Variants in CACNG5 observed in about 807,000 individuals in gnomAD.
CACNG5 encodes calcium voltage-gated channel auxiliary subunit gamma 5, also known as voltage-dependent calcium channel gamma-5 subunit.
A neutral mutation model predicts 24.8 loss-of-function variants in CACNG5; 18 were observed. The observed-to-expected ratio is 0.73, with a 90% CI of 0.50 to 1.08. The LOEUF (loss-of-function observed/expected upper bound fraction) is 1.08. CACNG5 is among the 50% of genes least tolerant of loss of function. CACNG5 has a pLI of 0.00. For missense variants in CACNG5, 349 were observed against 367.9 expected, an observed-to-expected ratio of 0.95 and a Z score of 0.42; for synonymous variants, 157 against 149.1, an observed-to-expected ratio of 1.05 and a Z score of -0.39.
At chr17:66,875,507 C>T (rs150772736) in intron 1 of CACNG5, among the ~76,000 whole-genome samples, 195 of 152,302 alleles carry the variant, frequency 1.3e-3, no homozygotes, top group African/African-American at 4.3e-3. Flanking sequence ...TCAGGGCCAG[C>T]GTGCACCCCT....
chr17:66,864,930 A>G (rs1036853383), intron 1 of CACNG5, among the ~76,000 whole-genome samples: 2 of 152,118 alleles, frequency 1.3e-5, no homozygotes, highest in Admixed American at 6.5e-5. Flanking sequence ...TTTTATGTTC[A>G]TCAATATATA....
rs1200180006 is a variant in CACNG5 at position 66,857,076 on chromosome 17, T to TG, written c.-103-20154_-103-20153insG. On this transcript the variant is annotated intron_variant, in intron 1 of 5. Coordinates refer to ENST00000533854, the MANE Select transcript of CACNG5 (RefSeq NM_145811.3). ...ATTTCAATTTTTAAGTTTTTTTTTT[T>TG]TTTTTTTTTTTTTGATAAGGTCTCA... 2.9e-5 allele frequency among the ~76,000 whole-genome samples: 4 copies of TG among 139,320 alleles called. No individual in the cohort carries two copies. In the East Asian group the frequency reaches 6.0e-4, roughly 21 times the overall value. 91.4% of individuals were successfully genotyped at this position (139,320 alleles called of 152,430 possible).
rs532160542 is a variant in CACNG5 at position 66,845,164 on chromosome 17, A to G, written c.-104+9914A>G. Reference sequence around the variant, plus strand: ...GCGGGGACATGGATGAAGCTGGAAAACATCATTCTCAGCAAACTAACACGG... The same window carrying G: ...GCGGGGACATGGATGAAGCTGGAAAGCATCATTCTCAGCAAACTAACACGG... On this transcript the variant is annotated intron_variant, in intron 1 of 5. Transcript: ENST00000533854. Among the ~76,000 whole-genome samples the G allele has an allele frequency of 5.9e-5, 9 of 152,270 alleles. No homozygotes were observed. The South Asian group carries it at 1.7e-3, about 28-fold the overall frequency.
At chr17:66,844,498 C>T (rs922067826) in intron 1 of CACNG5, among the ~76,000 whole-genome samples, 18 of 152,160 alleles carry the variant, frequency 1.2e-4, no homozygotes, top group Non-Finnish European at 2.5e-4. Flanking sequence ...AAGAGGTCCT[C>T]GATATACTGA....
chr17:66,872,098 G>A (rs1178518774), intron 1 of CACNG5, among the ~76,000 whole-genome samples: 1 of 152,178 alleles, frequency 6.6e-6, no homozygotes, highest in Non-Finnish European at 1.5e-5. Flanking sequence ...GCACAGAGAA[G>A]TATTTTAAAA....
chr17:66,860,857 ATT>A (rs34092567), intron 1 of CACNG5, among the ~76,000 whole-genome samples: 8 of 147,124 alleles, frequency 5.4e-5, no homozygotes, highest in East Asian at 2.0e-4. Context: ...CTTTCTTGAC[ATT>A]TTTTTTTTTT....
At chr17:66,838,818 G>A (rs551906545) in intron 1 of CACNG5, among the ~76,000 whole-genome samples, 2 of 151,980 alleles carry the variant, frequency 1.3e-5, no homozygotes, top group Non-Finnish European at 2.9e-5. Flanking sequence ...ATGGGGATAC[G>A]ACTGGAGTAT....
intron 1 of CACNG5, among the ~76,000 whole-genome samples, chr17:66,837,540 C>T (rs886981094): frequency 6.6e-6 from 1 of 152,238 alleles, no homozygotes; most frequent in Non-Finnish European, 1.5e-5. Context: ...GGACTAGCTA[C>T]TTAAGACTTC....
intron 3 of CACNG5, among the ~76,000 whole-genome samples, chr17:66,879,373 A>G (rs1977127603): frequency 6.6e-6 from 1 of 152,176 alleles, no homozygotes; most frequent in African/African-American, 2.4e-5. Flanking sequence ...CAATATTGCA[A>G]TGCAATTCTG....
chr17:66,883,497 A>G (rs1977194613), intron 4 of CACNG5, among the ~76,000 whole-genome samples: 1 of 152,262 alleles, frequency 6.6e-6, no homozygotes, highest in African/African-American at 2.4e-5. Context: ...TGAACAACTC[A>G]AAAGAGAGTA....
chr17:66,881,513 G>A (rs556739442), intron 4 of CACNG5, among the ~76,000 whole-genome samples: 1 of 152,194 alleles, frequency 6.6e-6, no homozygotes, highest in Admixed American at 6.5e-5. Flanking sequence ...TTGTCTTCCT[G>A]GACTGATGCC....
chr17:66,871,731 G>A (rs1296283676), intron 1 of CACNG5, among the ~76,000 whole-genome samples: 1 of 152,112 alleles, frequency 6.6e-6, no homozygotes, highest in African/African-American at 2.4e-5. Context: ...GTGGTGGCAG[G>A]CACCTGTAGT....
Position 66,850,907 on chromosome 17 carries a change from C to T in CACNG5, c.-104+15657C>T, listed in dbSNP as rs117823639. On this transcript the variant is annotated intron_variant, in intron 1 of 5. Coordinates refer to ENST00000533854, the MANE Select transcript of CACNG5 (RefSeq NM_145811.3). ...ATCCCCAGGGAACTGAAACTCAAAG[C>T]CTTGAGCATGTGAACTAATACTAAG... Among the ~76,000 whole-genome samples the T allele has an allele frequency of 2.0e-3, 307 of 152,252 alleles. 7 individuals carry two copies. The East Asian group carries it at 0.048, about 24-fold the overall frequency.
rs1977243306 is a variant in CACNG5, at chr17:66,885,354, A to G, written c.*114A>G. 7.6e-7 allele frequency: 1 copy of G among 1,321,066 alleles called. No individual in the cohort carries two copies. Among genetic ancestry groups the G allele is most frequent in the South Asian group, 1.5e-5 (1 of 68,878 alleles). The allele number at this position is 1,321,066 out of a possible 1,614,324, so 81.8% of individuals were successfully genotyped here. ...TGACAGGCCCAGGCCACCCATGCTT[A>G]GCTGTTGTCACTTGACCCCAGTCCT... On this transcript the variant is annotated 3_prime_UTR_variant, in exon 6 of 6. Coordinates refer to ENST00000533854, the MANE Select transcript of CACNG5 (RefSeq NM_145811.3).
chr17:66,877,189 G>A, intron 1 of CACNG5, 41 bp from the exon 2 acceptor site: 5 of 658,144 alleles, frequency 7.6e-6, no homozygotes, highest in East Asian at 5.5e-5. Flanking sequence ...CCAGGTTGGG[G>A]TTTGACTTTA....
chr17:66,861,747 T>C (rs1976862523), intron 1 of CACNG5, among the ~76,000 whole-genome samples: 1 of 152,188 alleles, frequency 6.6e-6, no homozygotes, highest in Non-Finnish European at 1.5e-5. Context: ...CCGGTAGCCA[T>C]GGGGGCAGTG....
At chr17:66,880,524 G>C in intron 3 of CACNG5, 33 bp from the exon 4 acceptor site, 1 of 1,613,814 alleles carries the variant, frequency 6.2e-7, no homozygotes, top group East Asian at 2.2e-5. Context: ...AGGCCTGGAG[G>C]CTGACAGGCC....
Position 66,889,958 on chromosome 17 carries a change from G to T in CACNG5, c.*4718G>T, listed in dbSNP as rs973501846. ...CCGGGGGAGCCACATTCCACCTAAGGCCTGAGCAAATTGGCACCTGGGCTC... is the reference window on the plus strand; with the variant it reads ...CCGGGGGAGCCACATTCCACCTAAGTCCTGAGCAAATTGGCACCTGGGCTC... On this transcript the variant is annotated 3_prime_UTR_variant, in exon 6 of 6. Coordinates refer to ENST00000533854, the MANE Select transcript of CACNG5 (RefSeq NM_145811.3). Among the ~76,000 whole-genome samples the T allele has an allele frequency of 1.3e-5, 2 of 152,180 alleles. No individual in the cohort carries two copies. The highest frequency in any genetic ancestry group is 2.4e-5 in the African/African-American group (1 of 41,438).
At chr17:66,866,932 G>A (rs973135866) in intron 1 of CACNG5, among the ~76,000 whole-genome samples, 8 of 152,290 alleles carry the variant, frequency 5.3e-5, no homozygotes, top group African/African-American at 1.9e-4. Flanking sequence ...ATAAACATAT[G>A]TGTGCATGTA....
Sources: gnomAD v4.1 joint callset for allele counts (sites outside exome capture counted in the v4.1 genomes callset) on GRCh38, gnomAD v4.1.1 for gene constraint, MANE v1.5 for transcripts, NCBI Gene and HGNC (gene_info 2026-07-23, HGNC 2026-07-21) for gene names.